The following AARS1 variants were observed in gnomAD, a reference collection of about 807,000 sequenced individuals.
AARS1 encodes alanyl-tRNA synthetase 1, also known as alanine--tRNA ligase, cytoplasmic.
Under a neutral mutation model 108.9 loss-of-function variants are expected in AARS1, and 72 were observed. That is an observed-to-expected ratio of 0.66 (90% confidence interval 0.55 to 0.80). The LOEUF is 0.80. Ranked by LOEUF, AARS1 falls within the 30% of genes least tolerant of loss-of-function variation. The pLI, the probability that AARS1 is intolerant of heterozygous loss-of-function variation, is 0.00. For missense variants in AARS1, 1,193 were observed against 1,233.2 expected (o/e 0.97, Z 0.49); for synonymous variants, 489 against 465.7 (o/e 1.05, Z -0.64).
intron 2 of AARS1, among the ~76,000 whole-genome samples, chr16:70,280,216 C>T (rs1960662045): frequency 6.6e-6 from 1 of 152,104 alleles, no homozygotes; most frequent in Non-Finnish European, 1.5e-5. Context: ...TGTGCCTGGC[C>T]CATAATTTTC....
In AARS1 at chr16:70,259,001, A is replaced by T. The variant is rs779839889; in HGVS notation, c.1971T>A (p.Asn657Lys). The change falls in exon 14 of 21, where the codon AAT becomes AAA. Residue 657 changes from asparagine (N) to lysine (K), a missense_variant. By Grantham distance (94) the Asn-to-Lys change is moderately conservative. Transcript: ENST00000261772. Reference protein sequence around the residue: ...QQIKKAEEIANEMIEAAKAVY... With the variant: ...QQIKKAEEIAKEMIEAAKAVY... ...CTACCTTGGCTGCCTCAATCATCTC[A>T]TTAGCAATCTCTTCAGCCTTCTTGA... 4 of 1,614,024 alleles carry T rather than the reference A, an allele frequency of 2.5e-6. No homozygotes were observed. The African/African-American group carries it at 4.0e-5, about 16-fold the overall frequency.
intron 16 of AARS1, among the ~76,000 whole-genome samples, chr16:70,255,132 A>C (rs1048229474): frequency 6.6e-6 from 1 of 151,336 alleles, no homozygotes; most frequent in Non-Finnish European, 1.5e-5. Context: ...CCGATGCCAC[A>C]GCGAATCTAT....
chr16:70,265,809 A>C, intron 9 of AARS1, 147 bp from the exon 10 acceptor site: 1 of 955,930 alleles, frequency 1.0e-6, no homozygotes, highest in Non-Finnish European at 1.6e-6. Context: ...AAAATCCAGC[A>C]CATCTTTTTC....
chr16:70,265,159 A>G (rs1172460354), intron 10 of AARS1, 57 bp from the exon 11 acceptor site: 1 of 1,605,486 alleles, frequency 6.2e-7, no homozygotes, highest in Non-Finnish European at 8.5e-7. Flanking sequence ...AGGGACTCCA[A>G]AGGACTGGAA....
chr16:70,281,829 G>C lies in AARS1; in HGVS notation c.144+791C>G, dbSNP rs142667701. Among the ~76,000 whole-genome samples, 930 of 151,922 alleles carry C rather than the reference G, an allele frequency of 6.1e-3. 11 individuals are homozygous for C. Among genetic ancestry groups the C allele is most frequent in the African/African-American group, 0.021 (888 of 41,416 alleles). On this transcript the variant is annotated intron_variant, in intron 2 of 20. Transcript: ENST00000261772. ...ATCATGCCACTGCACTCCAGCAAGG[G>C]TGACAGAGTGAGACCCTCTCTCTAA...
chr16:70,285,714 G>A (rs1368470379), intron 1 of AARS1, among the ~76,000 whole-genome samples: 3 of 152,120 alleles, frequency 2.0e-5, no homozygotes, highest in Admixed American at 1.3e-4. Context: ...CTCCCAAAGT[G>A]CTAGGATTAC....
At chr16:70,280,353 T>C (rs55805938) in intron 2 of AARS1, among the ~76,000 whole-genome samples, 10,756 of 152,030 alleles carry the variant, frequency 0.071, 1,275 homozygotes, top group African/African-American at 0.24. Context: ...AGTAGCATAA[T>C]TTTTTTGGGA....
At chr16:70,262,953 G>A (rs1960170596) in intron 11 of AARS1, among the ~76,000 whole-genome samples, 1 of 81,976 alleles carries the variant, frequency 1.2e-5, no homozygotes, top group Non-Finnish European at 2.2e-5. Context: ...GGGTGACAAA[G>A]CAAGACTCGG....
chr16:70,286,874 G>A (rs192618332), intron 1 of AARS1, among the ~76,000 whole-genome samples: 8 of 146,722 alleles, frequency 5.5e-5, no homozygotes, highest in Non-Finnish European at 1.0e-4. Flanking sequence ...CCAGCACTTT[G>A]GGGGGCCGAG....
intron 11 of AARS1, 52 bp from the exon 12 acceptor site, chr16:70,262,576 A>G (rs1960159610): frequency 6.5e-7 from 1 of 1,544,636 alleles, no homozygotes; most frequent in Non-Finnish European, 8.8e-7. Flanking sequence ...TGACCTTTTC[A>G]CTCCTTCTTG....
chr16:70,287,379 G>C (rs1033291980), intron 1 of AARS1, among the ~76,000 whole-genome samples: 5 of 150,370 alleles, frequency 3.3e-5, no homozygotes, highest in Non-Finnish European at 7.4e-5. Context: ...AGCGAGCCGA[G>C]ATCATGCCAT....
At chr16:70,284,419 G>A (rs1180067606) in intron 1 of AARS1, among the ~76,000 whole-genome samples, 1 of 150,864 alleles carries the variant, frequency 6.6e-6, no homozygotes, top group Non-Finnish European at 1.5e-5. Flanking sequence ...TGGCTAACAT[G>A]GTGAAACCCC....
In AARS1 at chr16:70,271,830, C is replaced by G. The variant is rs780893599; in HGVS notation, c.622G>C (p.Asp208His). The G allele has an allele frequency of 1.2e-6, 2 of 1,613,856 alleles. No homozygotes were observed. Among genetic ancestry groups the G allele is most frequent in the Non-Finnish European group, 1.7e-6 (2 of 1,179,824 alleles). ...TTCCAGATCTCCAGCACATTAGGGTCGTCCTGGTTGACAAGATGTGCGGCG... is the reference window on the plus strand; with the variant it reads ...TTCCAGATCTCCAGCACATTAGGGTGGTCCTGGTTGACAAGATGTGCGGCG... ...RDAAHLVNQD[D>H]PNVLEIWNLV... Residue 208 changes from aspartate to histidine, a missense_variant, in exon 5 of 21, where the codon GAC (aspartate) becomes CAC (histidine). Transcript: ENST00000261772.
rs770132954 is a variant in AARS1 at position 70,265,052 on chromosome 16, G to A, written c.1398C>T (p.Asp466=). The A allele has an allele frequency of 5.6e-6, 9 of 1,614,046 alleles. No homozygotes were observed. The highest frequency in any genetic ancestry group is 1.3e-5 in the African/African-American group (1 of 74,934). The change falls in exon 11 of 21, where the codon GAC becomes GAT. Residue 466 remains aspartate (D), a synonymous_variant. Transcript: ENST00000261772. ...CCCGGAGCTCTTCGATAGCGTAAAT[G>A]TCCAGCATAATGAGGTCTTCCCCAC... ...GAGGEDLIML[D]IYAIEELRAR...
chr16:70,253,812 A>G lies in AARS1; in HGVS notation c.2521-12T>C, dbSNP rs200328881. 1.2e-6 allele frequency: 2 copies of G among 1,614,154 alleles called. No homozygotes were observed. Among genetic ancestry groups the G allele is most frequent in the Non-Finnish European group, 1.7e-6 (2 of 1,180,028 alleles). ...GTCTTCTCTAACACCTGCAAGAAAAAAGTCCAGAACAGCAGCTCAGACCAA... is the reference window on the plus strand; with the variant it reads ...GTCTTCTCTAACACCTGCAAGAAAAGAGTCCAGAACAGCAGCTCAGACCAA... On this transcript the variant is annotated splice_polypyrimidine_tract_variant and intron_variant, in intron 18 of 20. Transcript: ENST00000261772.
At position 70,261,980 on chromosome 16, in the gene AARS1, T is replaced by C. The variant is rs1457647753; in HGVS notation, c.1671+366A>G. ...CACCACACCCAGCCGCATCTTTGAGTATCTAAAAGCCTCCATAAGGAACCT... is the reference window on the plus strand; with the variant it reads ...CACCACACCCAGCCGCATCTTTGAGCATCTAAAAGCCTCCATAAGGAACCT... On this transcript the variant is annotated intron_variant, in intron 12 of 20. Transcript: ENST00000261772. Among the ~76,000 whole-genome samples, 6 of 152,026 alleles carry C rather than the reference T, an allele frequency of 3.9e-5. No homozygotes were observed. In the East Asian group the frequency reaches 1.2e-3, roughly 29 times the overall value.
chr16:70,286,523 A>G (rs934360721), intron 1 of AARS1, among the ~76,000 whole-genome samples: 1 of 151,872 alleles, frequency 6.6e-6, no homozygotes, highest in Non-Finnish European at 1.5e-5. Context: ...ACCAAACCCG[A>G]CTAATTTTTT....
chr16:70,262,185 C>T (rs1960147983), intron 12 of AARS1, among the ~76,000 whole-genome samples, 161 bp downstream of exon 12: 2 of 152,210 alleles, frequency 1.3e-5, no homozygotes, highest in African/African-American at 2.4e-5. Flanking sequence ...AGGAAAGCAA[C>T]AGGTACAAGC....
At chr16:70,258,948 GA>G (rs1597435737) in intron 14 of AARS1, 31 bp downstream of exon 14, 1 of 1,596,754 alleles carries the variant, frequency 6.3e-7, no homozygotes. Flanking sequence ...ACGGTGTGGG[GA>G]GGGGGGGCAT....
Sources: allele counts gnomAD v4.1 joint callset (sites outside exome capture counted in the v4.1 genomes callset), GRCh38; gene constraint gnomAD v4.1.1; transcripts MANE v1.5; gene names NCBI Gene and HGNC (gene_info 2026-07-23, HGNC 2026-07-21).